The following ATXN1 variants were observed in gnomAD, a reference collection of about 807,000 sequenced individuals.
The protein encoded by ATXN1 is ataxin-1.
In ATXN1, 8 loss-of-function variants were observed where a neutral mutation model predicts 56.4. The observed-to-expected ratio is 0.14, with a 90% CI of 0.08 to 0.26. The LOEUF is 0.26. Among genes scored for constraint, ATXN1 ranks in the 10% least tolerant of loss-of-function variants. The pLI is 1.00. For synonymous variants in ATXN1, 514 were observed against 494.6 expected (o/e 1.04, Z -0.52); for missense variants, 987 against 1,106.5 (o/e 0.89, Z 1.53).
At chr6:16,467,110 G>C (rs1007388521) in intron 6 of ATXN1, among the ~76,000 whole-genome samples, 2 of 152,194 alleles carry the variant, frequency 1.3e-5, no homozygotes, top group African/African-American at 4.8e-5. Context: ...GGAAGGAGTA[G>C]TAACAACAGC....
chr6:16,712,177 G>A (rs542083792), intron 2 of ATXN1, among the ~76,000 whole-genome samples: 4 of 152,214 alleles, frequency 2.6e-5, no homozygotes, highest in African/African-American at 7.2e-5. Context: ...TGCGCTGTAC[G>A]CTTAAGATGT....
chr6:16,561,045 GA>G (rs1182880999), intron 4 of ATXN1, among the ~76,000 whole-genome samples: 1 of 152,106 alleles, frequency 6.6e-6, no homozygotes, highest in Non-Finnish European at 1.5e-5. Flanking sequence ...ACAATGTAGA[GA>G]AACTATTGAA....
chr6:16,519,373 A>G (rs186932573), intron 5 of ATXN1, among the ~76,000 whole-genome samples: 5 of 152,378 alleles, frequency 3.3e-5, no homozygotes, highest in Admixed American at 2.0e-4. Flanking sequence ...AGGATTATAT[A>G]GATGAGGAAA....
intron 4 of ATXN1, among the ~76,000 whole-genome samples, chr6:16,578,763 AGAC>A (rs1365757424): frequency 6.6e-6 from 1 of 152,160 alleles, no homozygotes; most frequent in Non-Finnish European, 1.5e-5. Flanking sequence ...AAAAATCACA[AGAC>A]GATAGATCAA....
chr6:16,588,210 T>C lies in ATXN1; in HGVS notation c.-488-2303A>G, dbSNP rs540854850. Among the ~76,000 whole-genome samples, 4 of 152,270 alleles carry C rather than the reference T, an allele frequency of 2.6e-5. No homozygotes were observed. The South Asian group carries it at 6.2e-4, about 24-fold the overall frequency. ...GCACCACCCTGGCTCATCTGGACTCTTTCCCTGGCCCCCTAACACGTCTCC... is the reference window on the plus strand; with the variant it reads ...GCACCACCCTGGCTCATCTGGACTCCTTCCCTGGCCCCCTAACACGTCTCC... On this transcript the variant is annotated intron_variant, in intron 3 of 7. Coordinates refer to ENST00000436367, the MANE Select transcript of ATXN1 (RefSeq NM_001128164.2).
At chr6:16,732,764 A>G (rs377284580) in intron 2 of ATXN1, among the ~76,000 whole-genome samples, 17 of 152,334 alleles carry the variant, frequency 1.1e-4, no homozygotes, top group African/African-American at 3.8e-4. Context: ...ATACTTCTAC[A>G]TGTATGCCCT....
intron 5 of ATXN1, among the ~76,000 whole-genome samples, chr6:16,509,919 C>T (rs1479630962): frequency 6.6e-6 from 1 of 152,156 alleles, no homozygotes; most frequent in East Asian, 1.9e-4. Flanking sequence ...TCTTCACTTT[C>T]CAGAATCTGC....
At chr6:16,631,417 T>C (rs1327593466) in intron 3 of ATXN1, among the ~76,000 whole-genome samples, 1 of 152,222 alleles carries the variant, frequency 6.6e-6, no homozygotes, top group Non-Finnish European at 1.5e-5. Context: ...CTGACACCTA[T>C]ATTTGCCCCT....
At chr6:16,726,804 G>A (rs1459492112) in intron 2 of ATXN1, among the ~76,000 whole-genome samples, 3 of 152,124 alleles carry the variant, frequency 2.0e-5, no homozygotes, top group African/African-American at 7.2e-5. Flanking sequence ...GTTGCAGTGA[G>A]CCAAGATCAT....
At chr6:16,593,585 C>T (rs1172504598) in intron 3 of ATXN1, among the ~76,000 whole-genome samples, 1 of 152,108 alleles carries the variant, frequency 6.6e-6, no homozygotes, top group East Asian at 1.9e-4. Flanking sequence ...ATCCTCCTGC[C>T]TTCTCTCCAG....
intron 3 of ATXN1, among the ~76,000 whole-genome samples, chr6:16,628,563 C>G (rs1474209252): frequency 6.6e-6 from 1 of 152,100 alleles, no homozygotes; most frequent in Non-Finnish European, 1.5e-5. Flanking sequence ...TTTCGTCACC[C>G]AGATACTAAG....
At chr6:16,425,306 T>C (rs900929188) in intron 6 of ATXN1, among the ~76,000 whole-genome samples, 2 of 152,246 alleles carry the variant, frequency 1.3e-5, no homozygotes, top group African/African-American at 4.8e-5. Context: ...CACCAGGCAC[T>C]TGTATTCCTC....
chr6:16,660,293 A>G (rs1758289337), intron 2 of ATXN1, among the ~76,000 whole-genome samples: 2 of 152,238 alleles, frequency 1.3e-5, no homozygotes, highest in South Asian at 4.1e-4. Context: ...CCCAAAAAGC[A>G]GAAGAGAAAG....
At chr6:16,390,939 C>A (rs1758341687) in intron 6 of ATXN1, among the ~76,000 whole-genome samples, 1 of 151,944 alleles carries the variant, frequency 6.6e-6, no homozygotes, top group Admixed American at 6.6e-5. Context: ...GGCAGGTGAA[C>A]CATCTGAGGT....
intron 6 of ATXN1, among the ~76,000 whole-genome samples, chr6:16,391,779 G>A (rs934882619): frequency 6.6e-6 from 1 of 152,176 alleles, no homozygotes; most frequent in East Asian, 1.9e-4. Context: ...GCAAGGTGGT[G>A]GATGACTACA....
chr6:16,401,173 G>A (rs1367421198), intron 6 of ATXN1, among the ~76,000 whole-genome samples: 3 of 152,192 alleles, frequency 2.0e-5, no homozygotes, highest in African/African-American at 4.8e-5. Context: ...TACATGGGAG[G>A]GGCTTGCTTA....
At chr6:16,746,228 T>C (rs1315823536) in intron 2 of ATXN1, among the ~76,000 whole-genome samples, 1 of 152,100 alleles carries the variant, frequency 6.6e-6, no homozygotes, top group East Asian at 1.9e-4. Context: ...ATGAAACAAA[T>C]AAATTAAAAC....
chr6:16,555,648 C>T (rs1761996993), intron 4 of ATXN1, among the ~76,000 whole-genome samples: 1 of 152,210 alleles, frequency 6.6e-6, no homozygotes. Context: ...AACTGGGTGG[C>T]CACATTGTTC....
chr6:16,396,013 C>CAAAAA (rs59358244), intron 6 of ATXN1, among the ~76,000 whole-genome samples: 2 of 42,234 alleles, frequency 4.7e-5, no homozygotes, highest in Non-Finnish European at 8.5e-5. Context: ...GACTCCGTCT[C>CAAAAA]AAAAAAAAAA....
Sources: gnomAD v4.1 joint callset for allele counts (sites outside exome capture counted in the v4.1 genomes callset) on GRCh38, gnomAD v4.1.1 for gene constraint, MANE v1.5 for transcripts, NCBI Gene and HGNC (gene_info 2026-07-23, HGNC 2026-07-21) for gene names.